DCDC2: variants seen among roughly 807,000 people sequenced by gnomAD.
The protein encoded by DCDC2 is doublecortin domain containing 2.
Under a neutral mutation model 50.2 loss-of-function variants are expected in DCDC2, and 40 were observed. That is an observed-to-expected ratio of 0.80 (90% confidence interval 0.62 to 1.04). The LOEUF (loss-of-function observed/expected upper bound fraction) is 1.04, where lower values mean the gene tolerates loss of function less well. Among genes scored for constraint, DCDC2 ranks in the 50% least tolerant of loss-of-function variants. The pLI is 0.00. For synonymous variants in DCDC2, 234 were observed against 210.6 expected (o/e 1.11, Z -0.96); for missense variants, 570 against 581.9 (o/e 0.98, Z 0.21).
intron 8 of DCDC2, among the ~76,000 whole-genome samples, chr6:24,191,451 C>G (rs533063359): frequency 3.9e-5 from 6 of 152,248 alleles, no homozygotes; most frequent in African/African-American, 1.4e-4. Flanking sequence ...CCAATGGTCA[C>G]AAGTTCAAAT....
intron 2 of DCDC2, among the ~76,000 whole-genome samples, chr6:24,337,073 A>C (rs886190493): frequency 1.3e-5 from 2 of 152,176 alleles, no homozygotes; most frequent in Non-Finnish European, 2.9e-5. Context: ...CCCATCCTTC[A>C]AGTTGCGTTT....
intron 2 of DCDC2, among the ~76,000 whole-genome samples, chr6:24,329,132 G>C (rs1186537677): frequency 6.6e-6 from 1 of 152,122 alleles, no homozygotes; most frequent in Non-Finnish European, 1.5e-5. Flanking sequence ...AAAAAATGAT[G>C]AGCCCTCCCT....
chr6:24,206,725 G>A (rs928301088), intron 7 of DCDC2, among the ~76,000 whole-genome samples: 1 of 152,112 alleles, frequency 6.6e-6, no homozygotes, highest in African/African-American at 2.4e-5. Context: ...GAATACAATC[G>A]ATAACAACAA....
chr6:24,349,054 T>C (rs1249785379), intron 2 of DCDC2, among the ~76,000 whole-genome samples: 2 of 152,084 alleles, frequency 1.3e-5, no homozygotes, highest in African/African-American at 4.8e-5. Context: ...TGAATGGTTA[T>C]GGAAAAAAAA....
At chr6:24,220,731 A>G (rs1283644112) in intron 7 of DCDC2, among the ~76,000 whole-genome samples, 1 of 152,206 alleles carries the variant, frequency 6.6e-6, no homozygotes, top group Non-Finnish European at 1.5e-5. Flanking sequence ...GAGACTAGGT[A>G]ATTTATAAAG....
chr6:24,278,925 CAT>C (rs935826452), intron 6 of DCDC2, among the ~76,000 whole-genome samples: 2 of 152,174 alleles, frequency 1.3e-5, no homozygotes, highest in African/African-American at 4.8e-5. Flanking sequence ...CTCACGACCA[CAT>C]GTCCCCACTT....
intron 8 of DCDC2, among the ~76,000 whole-genome samples, chr6:24,203,888 C>T (rs773607508): frequency 3.3e-5 from 5 of 152,092 alleles, no homozygotes; most frequent in African/African-American, 4.8e-5. Context: ...TAAGAAAAAA[C>T]GCTCATCATC....
chr6:24,328,096 A>G (rs1019528740), intron 2 of DCDC2, among the ~76,000 whole-genome samples: 5 of 152,240 alleles, frequency 3.3e-5, no homozygotes, highest in Non-Finnish European at 7.3e-5. Context: ...CGAGATATCT[A>G]ATAAATGTTA....
intron 2 of DCDC2, among the ~76,000 whole-genome samples, chr6:24,348,157 A>G (rs768309732): frequency 6.6e-6 from 1 of 152,248 alleles, no homozygotes; most frequent in Non-Finnish European, 1.5e-5. Context: ...TAAAGAATCC[A>G]TAAAATGACA....
chr6:24,270,522 C>T (rs145928786), intron 7 of DCDC2, among the ~76,000 whole-genome samples: 6 of 152,102 alleles, frequency 3.9e-5, no homozygotes, highest in African/African-American at 1.2e-4. Context: ...CTACTCTGTG[C>T]GGAATGCTCT....
At chr6:24,341,476 C>T (rs1240727815) in intron 2 of DCDC2, among the ~76,000 whole-genome samples, 5 of 151,400 alleles carry the variant, frequency 3.3e-5, no homozygotes, top group African/African-American at 1.2e-4. Flanking sequence ...TGCATATTTC[C>T]TGCTGAAATC....
chr6:24,211,779 G>A (rs759642922), intron 7 of DCDC2, among the ~76,000 whole-genome samples: 1 of 152,194 alleles, frequency 6.6e-6, no homozygotes, highest in South Asian at 2.1e-4. Context: ...TGACAGCTTG[G>A]TTGTAACCCA....
chr6:24,358,741 T>TCTTA (rs1305322147), upstream of DCDC2, among the ~76,000 whole-genome samples: 3 of 2,156 alleles, frequency 1.4e-3, no homozygotes, highest in Non-Finnish European at 9.9e-3. Flanking sequence ...TTTATATATA[T>TCTTA]TTTATTTATT....
intron 2 of DCDC2, among the ~76,000 whole-genome samples, chr6:24,304,041 T>G (rs1373890471): frequency 6.6e-6 from 1 of 152,184 alleles, no homozygotes; most frequent in Non-Finnish European, 1.5e-5. Context: ...TGCCTACGAG[T>G]TGCACAATAA....
At chr6:24,349,097 A>T (rs1760317064) in intron 2 of DCDC2, among the ~76,000 whole-genome samples, 1 of 152,248 alleles carries the variant, frequency 6.6e-6, no homozygotes, top group Non-Finnish European at 1.5e-5. Flanking sequence ...TACTACATGG[A>T]TGAGACATGA....
chr6:24,304,116 C>A (rs999767563), intron 2 of DCDC2, among the ~76,000 whole-genome samples: 1 of 152,020 alleles, frequency 6.6e-6, no homozygotes, highest in African/African-American at 2.4e-5. Flanking sequence ...AACTTTTTTT[C>A]ATTTTAAGCA....
At chr6:24,377,758 G>A in the DCDC2 span, among the ~76,000 whole-genome samples, 3 of 152,056 alleles carry the variant, frequency 2.0e-5, no homozygotes, top group African/African-American at 7.2e-5. Context: ...GAGGCCGAGG[G>A]GGGTGGATCA....
the DCDC2 span, among the ~76,000 whole-genome samples, chr6:24,377,322 A>C: frequency 1.3e-3 from 204 of 152,318 alleles, no homozygotes; most frequent in Non-Finnish European, 2.4e-3. Flanking sequence ...GACTTGCTCA[A>C]TATTTATTGG....
chr6:24,331,588 A>C (rs1238016063), intron 2 of DCDC2, among the ~76,000 whole-genome samples: 1 of 152,154 alleles, frequency 6.6e-6, no homozygotes, highest in Admixed American at 6.6e-5. Context: ...ATCTAAATAG[A>C]TATTTGAATC....
Sources: allele counts gnomAD v4.1 joint callset (sites outside exome capture counted in the v4.1 genomes callset), GRCh38; gene constraint gnomAD v4.1.1; transcripts MANE v1.5; gene names NCBI Gene and HGNC (gene_info 2026-07-23, HGNC 2026-07-21).